The following LRMDA variants were observed in gnomAD, a reference collection of about 807,000 sequenced individuals.
LRMDA encodes leucine-rich melanocyte differentiation-associated protein.
In LRMDA, 18 loss-of-function variants were observed where a neutral mutation model predicts 29.8. The ratio of observed to expected loss-of-function variants is 0.60; its 90% CI spans 0.42 to 0.90. The LOEUF (loss-of-function observed/expected upper bound fraction) is 0.90, where lower values mean the gene tolerates loss of function less well. Ranked by LOEUF, LRMDA falls within the 40% of genes least tolerant of loss-of-function variation. The pLI is 0.00. For synonymous variants in LRMDA, 125 were observed against 109.4 expected (o/e 1.14, Z -0.89); for missense variants, 273 against 273.9 (o/e 1.00, Z 0.02).
intron 2 of LRMDA, among the ~76,000 whole-genome samples, chr10:75,869,974 G>A (rs1157405831): frequency 6.6e-6 from 1 of 151,874 alleles, no homozygotes; most frequent in Non-Finnish European, 1.5e-5. Context: ...TTACACTATT[G>A]TCCTCTCCCC....
chr10:76,525,744 A>G (rs1020476417), intron 6 of LRMDA, among the ~76,000 whole-genome samples: 2 of 152,170 alleles, frequency 1.3e-5, no homozygotes, highest in Non-Finnish European at 2.9e-5. Flanking sequence ...ACTCTAGAAG[A>G]TAAGAGTTAT....
intron 5 of LRMDA, among the ~76,000 whole-genome samples, chr10:76,147,583 C>T (rs1373099838): frequency 1.2e-4 from 19 of 152,072 alleles, no homozygotes; most frequent in Non-Finnish European, 2.4e-4. Context: ...GTTATCCATT[C>T]GTCTAATTTT....
intron 2 of LRMDA, among the ~76,000 whole-genome samples, chr10:75,845,841 G>T (rs889958007): frequency 6.6e-6 from 1 of 152,152 alleles, no homozygotes; most frequent in African/African-American, 2.4e-5. Flanking sequence ...AGAACCACAT[G>T]GGGGCAGAGA....
chr10:75,925,306 G>C (rs1398021650), intron 2 of LRMDA, among the ~76,000 whole-genome samples: 1 of 152,080 alleles, frequency 6.6e-6, no homozygotes, highest in Non-Finnish European at 1.5e-5. Context: ...TCTTGCAGGG[G>C]CCTGGCTGGT....
intron 2 of LRMDA, among the ~76,000 whole-genome samples, chr10:75,689,098 C>T (rs963105725): frequency 4.0e-5 from 6 of 151,664 alleles, no homozygotes; most frequent in Admixed American, 6.6e-5. Flanking sequence ...TGGTTTGGAA[C>T]GAAACCTGGA....
At chr10:75,589,887 T>G (rs755456127) in intron 2 of LRMDA, among the ~76,000 whole-genome samples, 1 of 152,098 alleles carries the variant, frequency 6.6e-6, no homozygotes, top group African/African-American at 2.4e-5. Context: ...TAACTGGTCC[T>G]TTTTATGTGA....
chr10:75,548,112 A>C (rs1444080502), intron 2 of LRMDA, among the ~76,000 whole-genome samples: 1 of 151,998 alleles, frequency 6.6e-6, no homozygotes, highest in African/African-American at 2.4e-5. Context: ...AAAAAAAAAA[A>C]ACACAACACT....
chr10:76,519,154 C>G (rs1554825443), intron 6 of LRMDA, among the ~76,000 whole-genome samples: 1 of 151,756 alleles, frequency 6.6e-6, no homozygotes, highest in Non-Finnish European at 1.5e-5. Flanking sequence ...ACCAAAAATA[C>G]AAAAATTAGC....
chr10:76,282,398 A>C lies in LRMDA; in HGVS notation c.517-42003A>C, dbSNP rs185830797. ...TAGGCTTGTGTTCCACCAGCTGCAC[A>C]GTGGCTATTATGAAAGTATTTCAGC... On this transcript the variant is annotated intron_variant, in intron 5 of 6. Transcript: ENST00000611255. Among the ~76,000 whole-genome samples the C allele has an allele frequency of 1.4e-3, 211 of 152,296 alleles. 2 individuals carry two copies. The highest frequency in any genetic ancestry group is 4.6e-3 in the African/African-American group (191 of 41,580).
chr10:75,737,956 G>T (rs1842785765), intron 2 of LRMDA, among the ~76,000 whole-genome samples: 1 of 152,302 alleles, frequency 6.6e-6, no homozygotes. Flanking sequence ...TCCAGGGTGA[G>T]GCATGGCTAA....
intron 2 of LRMDA, among the ~76,000 whole-genome samples, chr10:75,855,637 G>A (rs934573060): frequency 6.6e-6 from 1 of 152,092 alleles, no homozygotes; most frequent in African/African-American, 2.4e-5. Context: ...GAAGTCCTTG[G>A]CCATGCCTCT....
chr10:76,536,687 T>C (rs979273443), intron 6 of LRMDA, among the ~76,000 whole-genome samples: 13 of 152,208 alleles, frequency 8.5e-5, no homozygotes, highest in Admixed American at 1.3e-4. Context: ...TACTGCATCA[T>C]GTTATGAGGC....
At chr10:75,525,879 T>C (rs1423846213) in intron 2 of LRMDA, among the ~76,000 whole-genome samples, 1 of 151,754 alleles carries the variant, frequency 6.6e-6, no homozygotes, top group Non-Finnish European at 1.5e-5. Flanking sequence ...TGGCACATAC[T>C]GTCTGAGCCA....
chr10:76,451,553 C>T (rs957371345), intron 6 of LRMDA, among the ~76,000 whole-genome samples: 1 of 151,524 alleles, frequency 6.6e-6, no homozygotes, highest in African/African-American at 2.4e-5. Flanking sequence ...ATATTTTGAG[C>T]AAGCTAGGGA....
intron 6 of LRMDA, among the ~76,000 whole-genome samples, chr10:76,554,258 G>A (rs1056067885): frequency 3.9e-5 from 6 of 152,146 alleles, no homozygotes; most frequent in South Asian, 2.1e-4. Flanking sequence ...ATAATATGGC[G>A]CTGGTATCTC....
intron 5 of LRMDA, among the ~76,000 whole-genome samples, chr10:76,248,224 G>A (rs1277173127): frequency 1.3e-5 from 2 of 152,112 alleles, no homozygotes; most frequent in East Asian, 3.9e-4. Context: ...AGTAGATATA[G>A]GCTAGGGATG....
chr10:76,064,617 G>T (rs1159503940), intron 5 of LRMDA, among the ~76,000 whole-genome samples: 1 of 152,170 alleles, frequency 6.6e-6, no homozygotes, highest in Non-Finnish European at 1.5e-5. Flanking sequence ...CACTGCGTAT[G>T]TCTTTGATAT....
At chr10:76,471,199 T>C (rs1348651842) in intron 6 of LRMDA, among the ~76,000 whole-genome samples, 1 of 151,778 alleles carries the variant, frequency 6.6e-6, no homozygotes, top group Admixed American at 6.6e-5. Context: ...TACTCTCTTC[T>C]ATTCTCTTAG....
At chr10:75,927,875 T>C (rs1846145383) in intron 2 of LRMDA, among the ~76,000 whole-genome samples, 1 of 152,284 alleles carries the variant, frequency 6.6e-6, no homozygotes, top group Non-Finnish European at 1.5e-5. Context: ...ATTGGTGACC[T>C]TGGGAAAGTT....
Sources: allele counts gnomAD v4.1 joint callset (sites outside exome capture counted in the v4.1 genomes callset), GRCh38; gene constraint gnomAD v4.1.1; transcripts MANE v1.5; gene names NCBI Gene and HGNC (gene_info 2026-07-23, HGNC 2026-07-21).